The following DIS3L2 variants were observed in gnomAD, a reference collection of about 807,000 sequenced individuals.
DIS3L2 encodes the protein DIS3 like 3'-5' exoribonuclease 2.
DIS3L2 carries 34 observed loss-of-function variants against 97.5 expected under a neutral mutation model. The observed-to-expected ratio is 0.35, with a 90% CI of 0.27 to 0.46. The LOEUF (loss-of-function observed/expected upper bound fraction) is 0.46. Ranked by LOEUF, DIS3L2 falls within the 20% of genes least tolerant of loss-of-function variation. DIS3L2 has a pLI of 1.00. For synonymous variants in DIS3L2, 435 were observed against 445.2 expected (o/e 0.98, Z 0.29); for missense variants, 1,038 against 1,146.0 (o/e 0.91, Z 1.36).
chr2:232,163,451 A>G lies in DIS3L2; in HGVS notation c.951-8A>G, dbSNP rs886055770. On this transcript the variant is annotated splice_region_variant and splice_polypyrimidine_tract_variant and intron_variant, in intron 8 of 20. Transcript: ENST00000325385. ...AACCCAGTTATTCCGTTTCTGTTCT[A>G]TCCATAGGCAGCTGGCTAAGAGTCT... is the stretch of plus-strand genomic sequence containing the variant. 3.7e-6 allele frequency: 6 copies of G among 1,613,166 alleles called. No homozygotes were observed. In the Admixed American group the frequency reaches 5.0e-5, roughly 13 times the overall value.
chr2:232,247,636 C>T (rs57383251), intron 11 of DIS3L2, among the ~76,000 whole-genome samples: 916 of 7,716 alleles, frequency 0.12, 50 homozygotes, highest in African/African-American at 0.26. Flanking sequence ...GGGGGGGGGG[C>T]GGGGGGGAGG....
chr2:232,172,930 A>G (rs1429870098), intron 9 of DIS3L2, among the ~76,000 whole-genome samples: 1 of 152,158 alleles, frequency 6.6e-6, no homozygotes, highest in Non-Finnish European at 1.5e-5. Flanking sequence ...TTGAAGAAAA[A>G]TCTACTCAGA....
chr2:232,023,792 C>T (rs1694582435), intron 3 of DIS3L2, among the ~76,000 whole-genome samples: 1 of 152,126 alleles, frequency 6.6e-6, no homozygotes, highest in South Asian at 2.1e-4. Flanking sequence ...AATAATGCAT[C>T]CAGTTTCATA....
At chr2:232,304,660 TC>T (rs1400225083) in intron 14 of DIS3L2, among the ~76,000 whole-genome samples, 3 of 152,220 alleles carry the variant, frequency 2.0e-5, no homozygotes, top group African/African-American at 7.2e-5. Context: ...AAGCTATTCT[TC>T]CTGCCGTTAG....
intron 14 of DIS3L2, among the ~76,000 whole-genome samples, chr2:232,321,304 T>C (rs945050810): frequency 2.6e-5 from 4 of 152,276 alleles, no homozygotes; most frequent in African/African-American, 9.6e-5. Flanking sequence ...GAGCTTTCTC[T>C]GACTGTATGG....
At chr2:232,329,782 C>T (rs778349396) in intron 14 of DIS3L2, 31 bp from the exon 15 acceptor site, 5 of 1,122,760 alleles carry the variant, frequency 4.5e-6, no homozygotes, top group South Asian at 1.7e-5. Flanking sequence ...CAAACCCCAG[C>T]GGTCCCTCCC....
At chr2:232,040,162 G>A (rs1164105121) in intron 5 of DIS3L2, among the ~76,000 whole-genome samples, 1 of 152,210 alleles carries the variant, frequency 6.6e-6, no homozygotes, top group Non-Finnish European at 1.5e-5. Flanking sequence ...TTTAAAGGAT[G>A]GGAATAGAGA....
At chr2:232,012,729 A>T (rs1446268308) in intron 1 of DIS3L2, among the ~76,000 whole-genome samples, 1 of 151,970 alleles carries the variant, frequency 6.6e-6, no homozygotes, top group African/African-American at 2.4e-5. Context: ...AGTTGCCCTA[A>T]CCCAGATTTT....
intron 5 of DIS3L2, among the ~76,000 whole-genome samples, chr2:232,041,261 G>T (rs1559565064): frequency 6.6e-6 from 1 of 152,126 alleles, no homozygotes; most frequent in Admixed American, 6.6e-5. Flanking sequence ...GAGTCAAAGG[G>T]GTTACAGACC....
At chr2:232,078,976 T>C (rs1440557599) in intron 5 of DIS3L2, among the ~76,000 whole-genome samples, 1 of 152,224 alleles carries the variant, frequency 6.6e-6, no homozygotes, top group Non-Finnish European at 1.5e-5. Flanking sequence ...ATTTTAGATA[T>C]GTGGAGATAT....
At chr2:232,244,553 C>G (rs1318536107) in intron 11 of DIS3L2, among the ~76,000 whole-genome samples, 1 of 152,192 alleles carries the variant, frequency 6.6e-6, no homozygotes, top group African/African-American at 2.4e-5. Flanking sequence ...TGTGGAGTCA[C>G]AAGGCCAGAT....
chr2:232,298,681 A>G (rs534555396), intron 13 of DIS3L2, among the ~76,000 whole-genome samples: 2 of 152,310 alleles, frequency 1.3e-5, no homozygotes, highest in East Asian at 3.9e-4. Context: ...GCAGCCTTGT[A>G]GTTAAAAAAA....
chr2:232,188,899 A>G (rs1292749087), intron 9 of DIS3L2, among the ~76,000 whole-genome samples: 1 of 152,236 alleles, frequency 6.6e-6, no homozygotes, highest in African/African-American at 2.4e-5. Flanking sequence ...AAGCAATCCA[A>G]TTAGAAAATG....
At chr2:232,028,275 C>T (rs1694714466) in intron 4 of DIS3L2, among the ~76,000 whole-genome samples, 1 of 152,022 alleles carries the variant, frequency 6.6e-6, no homozygotes, top group African/African-American at 2.4e-5. Context: ...TGGAACAAGA[C>T]TTCTGGCATT....
At chr2:232,001,557 C>CTTTTTTTTTTTTTTT (rs57766848) in intron 1 of DIS3L2, among the ~76,000 whole-genome samples, 117 of 61,920 alleles carry the variant, frequency 1.9e-3, no homozygotes, top group African/African-American at 2.3e-3. Flanking sequence ...TGCCATTTGT[C>CTTTTTTTTTTTTTTT]TTTTTTTTTT....
intron 12 of DIS3L2, among the ~76,000 whole-genome samples, chr2:232,255,969 C>T (rs754030828): frequency 2.6e-5 from 4 of 152,182 alleles, no homozygotes; most frequent in African/African-American, 4.8e-5. Context: ...CTAATACCTG[C>T]GTCCAAGCTA....
chr2:232,201,696 T>G (rs1465636989), intron 9 of DIS3L2, among the ~76,000 whole-genome samples: 1 of 152,236 alleles, frequency 6.6e-6, no homozygotes, highest in Non-Finnish European at 1.5e-5. Context: ...GTTGTGGTTC[T>G]ATGGAAGAAT....
intron 5 of DIS3L2, among the ~76,000 whole-genome samples, chr2:232,086,358 T>C (rs543088188): frequency 0.033 from 2,726 of 81,686 alleles, 66 homozygotes; most frequent in African/African-American, 0.11. Context: ...TGTATATATA[T>C]GTGTATATGT....
intron 1 of DIS3L2, among the ~76,000 whole-genome samples, chr2:231,966,171 C>CCTTT (rs1553593877): frequency 7.1e-6 from 1 of 140,474 alleles, no homozygotes; most frequent in Non-Finnish European, 1.6e-5. Flanking sequence ...TCTTCTTCTT[C>CCTTT]TTTTTTTTTT....
Sources: allele counts gnomAD v4.1 joint callset (sites outside exome capture counted in the v4.1 genomes callset), GRCh38; gene constraint gnomAD v4.1.1; transcripts MANE v1.5; gene names NCBI Gene and HGNC (gene_info 2026-07-23, HGNC 2026-07-21).